ANTXRL: variants seen among roughly 807,000 people sequenced by gnomAD.
ANTXRL encodes the protein ANTXR like, also known as anthrax toxin receptor-like.
Under a neutral mutation model 75.4 loss-of-function variants are expected in ANTXRL, and 63 were observed. That is an observed-to-expected ratio of 0.84 (90% confidence interval 0.68 to 1.03). The LOEUF (loss-of-function observed/expected upper bound fraction) is 1.03, where lower values mean the gene tolerates loss of function less well. Ranked by LOEUF, ANTXRL falls within the 50% of genes least tolerant of loss-of-function variation. ANTXRL has a pLI of 0.00. For synonymous variants in ANTXRL, 335 were observed against 291.3 expected (o/e 1.15, Z -1.53); for missense variants, 797 against 789.4 (o/e 1.01, Z -0.12).
intron 1 of ANTXRL, among the ~76,000 whole-genome samples, chr10:46,288,870 A>G (rs1472575241): frequency 6.6e-6 from 1 of 152,150 alleles, no homozygotes; most frequent in East Asian, 1.9e-4. Flanking sequence ...GTGGATGTAA[A>G]GGGAGCAGAC....
intron 2 of ANTXRL, among the ~76,000 whole-genome samples, chr10:46,293,400 G>C (rs534025539): frequency 7.1e-4 from 98 of 138,860 alleles, no homozygotes; most frequent in Non-Finnish European, 1.1e-3. Flanking sequence ...CTGTGTGTGT[G>C]AGTGTGTGCC....
intron 16 of ANTXRL, among the ~76,000 whole-genome samples, chr10:46,315,639 C>T (rs1453454750): frequency 1.3e-5 from 2 of 152,178 alleles, no homozygotes; most frequent in African/African-American, 4.8e-5. Flanking sequence ...TTCTTCCTGA[C>T]TTGGCATTGT....
At chr10:46,302,920 T>C (rs7093042) in intron 10 of ANTXRL, 100 bp downstream of exon 10, 34,883 of 924,986 alleles carry the variant, frequency 0.038, 1,407 homozygotes, top group African/African-American at 0.18. Context: ...AACCATTCCC[T>C]GTGGACCCTG....
chr10:46,314,370 C>T (rs1367758389), intron 16 of ANTXRL, among the ~76,000 whole-genome samples: 1 of 152,098 alleles, frequency 6.6e-6, no homozygotes, highest in East Asian at 1.9e-4. Flanking sequence ...TCCCATAAGG[C>T]CTCTCCACGT....
rs538120371 is a variant in ANTXRL at position 46,315,714 on chromosome 10, T to C, written c.1410+2398T>C. On this transcript the variant is annotated intron_variant, in intron 16 of 16. Coordinates refer to ENST00000620264, the MANE Select transcript of ANTXRL (RefSeq NM_001278688.3). ...GAGCCTGTTTGACTGGAATGTGCTGTCGAATTTAGAGGAGCTGCTGCCTTT... is the reference window on the plus strand; with the variant it reads ...GAGCCTGTTTGACTGGAATGTGCTGCCGAATTTAGAGGAGCTGCTGCCTTT... 7.9e-4 allele frequency among the ~76,000 whole-genome samples: 120 copies of C among 152,324 alleles called. 2 individuals carry two copies. Among genetic ancestry groups the C allele is most frequent in the Non-Finnish European group, 1.5e-3 (99 of 68,038 alleles).
At chr10:46,308,036 C>T (rs1488916366) in intron 12 of ANTXRL, among the ~76,000 whole-genome samples, 1 of 152,174 alleles carries the variant, frequency 6.6e-6, no homozygotes, top group African/African-American at 2.4e-5. Flanking sequence ...CAGGTGCCTG[C>T]TCTTCAGAGC....
intron 5 of ANTXRL, 44 bp from the exon 6 acceptor site, chr10:46,297,208 C>G: frequency 6.7e-7 from 1 of 1,497,288 alleles, no homozygotes; most frequent in Non-Finnish European, 9.0e-7. Flanking sequence ...GGAGGTCACT[C>G]CTGGTGCCTT....
chr10:46,327,911 T>G (rs1266608414), intron 16 of ANTXRL, among the ~76,000 whole-genome samples: 1 of 152,148 alleles, frequency 6.6e-6, no homozygotes, highest in Admixed American at 6.5e-5. Context: ...GCTCCTGCCC[T>G]GGTATGTGGG....
intron 15 of ANTXRL, 100 bp from the exon 16 acceptor site, chr10:46,313,136 T>C: frequency 1.8e-6 from 2 of 1,108,102 alleles, no homozygotes; most frequent in Non-Finnish European, 2.6e-6. Context: ...TGTCTGGGTG[T>C]TTTCCTGGGC....
upstream of ANTXRL, chr10:46,286,345 G>A (rs1382048849): frequency 1.3e-5 from 2 of 152,284 alleles, no homozygotes; most frequent in African/African-American, 4.8e-5. Flanking sequence ...AAGCTGCCAT[G>A]CTGGGAGGAA....
chr10:46,311,522 GA>G lies in ANTXRL; in HGVS notation c.1191del (p.Lys397AsnfsTer24). 6.5e-7 allele frequency: 1 copy of G among 1,532,702 alleles called. No individual in the cohort carries two copies. The highest frequency in any genetic ancestry group is 8.7e-7 in the Non-Finnish European group (1 of 1,145,252). The allele number at this position is 1,532,702 out of a possible 1,614,324, so 94.9% of individuals were successfully genotyped here. A position where few individuals can be genotyped will look rare whatever the true frequency, so the allele number is the denominator to read the frequency against. ...TTTCTTTTTTTAGGAGCCAGAGCAG[GA>G]AAAACCACCATCACCACCACCACCG... The part of the protein sequence containing the change: ...VQKPEKEPEQ[E>X]KPPSPPPPPP... On this transcript the variant is annotated frameshift_variant, in exon 15 of 17. Coordinates refer to ENST00000620264, the MANE Select transcript of ANTXRL (RefSeq NM_001278688.3). LOFTEE classifies it high-confidence loss of function.
chr10:46,316,667 G>A (rs1217304285), intron 16 of ANTXRL, among the ~76,000 whole-genome samples: 6 of 152,254 alleles, frequency 3.9e-5, no homozygotes, highest in Middle Eastern at 3.4e-3. Context: ...TGCTGTCAGA[G>A]TGATCTATGG....
chr10:46,328,880 C>A (rs1456470877), intron 16 of ANTXRL, among the ~76,000 whole-genome samples: 1 of 152,088 alleles, frequency 6.6e-6, no homozygotes, highest in African/African-American at 2.4e-5. Context: ...CTAGATTGAA[C>A]CCCAGTCCCT....
intron 16 of ANTXRL, among the ~76,000 whole-genome samples, chr10:46,320,685 T>C (rs781834727): frequency 1.3e-5 from 2 of 152,098 alleles, no homozygotes; most frequent in Non-Finnish European, 2.9e-5. Context: ...TGAACCAAGA[T>C]CATGCCACTG....
chr10:46,310,621 G>A (rs1838364539), intron 14 of ANTXRL, 122 bp downstream of exon 14: 3 of 1,057,622 alleles, frequency 2.8e-6, no homozygotes, highest in African/African-American at 1.6e-5. Flanking sequence ...GTTGACAGAG[G>A]GGCAGAATGG....
intron 14 of ANTXRL, among the ~76,000 whole-genome samples, chr10:46,310,837 C>T (rs1198698336): frequency 3.9e-5 from 6 of 152,094 alleles, no homozygotes; most frequent in African/African-American, 1.2e-4. Context: ...AAAGGAGCCC[C>T]GTGTTTCAGG....
At chr10:46,289,586 G>C (rs1836898777) in intron 1 of ANTXRL, among the ~76,000 whole-genome samples, 1 of 151,820 alleles carries the variant, frequency 6.6e-6, no homozygotes, top group Non-Finnish European at 1.5e-5. Context: ...AATTAGCCAG[G>C]CATGGTGATG....
intron 9 of ANTXRL, 132 bp from the exon 10 acceptor site, chr10:46,302,590 C>T (rs1837820400): frequency 1.5e-6 from 1 of 656,116 alleles, no homozygotes; most frequent in Non-Finnish European, 2.7e-6. Context: ...GATGTTGGTT[C>T]AGACACAGCT....
intron 16 of ANTXRL, among the ~76,000 whole-genome samples, chr10:46,324,530 A>C (rs1388387606): frequency 6.6e-6 from 1 of 152,176 alleles, no homozygotes; most frequent in African/African-American, 2.4e-5. Flanking sequence ...GGACTGGTAC[A>C]TGGAATTCTA....
Sources: allele counts gnomAD v4.1 joint callset (sites outside exome capture counted in the v4.1 genomes callset), GRCh38; gene constraint gnomAD v4.1.1; transcripts MANE v1.5; gene names NCBI Gene and HGNC (gene_info 2026-07-23, HGNC 2026-07-21).